The following CDH8 variants were observed in gnomAD, a reference collection of about 807,000 sequenced individuals.
CDH8 encodes the protein cadherin 8, also known as cadherin-8.
Under a neutral mutation model 68.1 loss-of-function variants are expected in CDH8, and 17 were observed. That is an observed-to-expected ratio of 0.25 (90% CI 0.17 to 0.37). The LOEUF (loss-of-function observed/expected upper bound fraction) is 0.37. CDH8 is among the 10% of genes least tolerant of loss of function. CDH8 has a pLI of 1.00. For missense variants in CDH8, 763 were observed against 999.3 expected (o/e 0.76, Z 3.19); for synonymous variants, 372 against 365.1 (o/e 1.02, Z -0.21).
intron 8 of CDH8, among the ~76,000 whole-genome samples, chr16:61,755,476 A>T (rs188805873): frequency 6.6e-6 from 1 of 152,124 alleles, no homozygotes; most frequent in South Asian, 2.1e-4. Context: ...ATAATTTTAT[A>T]CTGTTACTTT....
chr16:61,813,464 G>T (rs967710316), intron 7 of CDH8, among the ~76,000 whole-genome samples: 15 of 152,104 alleles, frequency 9.9e-5, no homozygotes, highest in Admixed American at 3.9e-4. Context: ...GAGAATCTCC[G>T]GCCTGCCCCG....
chr16:61,833,192 C>T (rs1365048681), intron 4 of CDH8, among the ~76,000 whole-genome samples: 1 of 151,280 alleles, frequency 6.6e-6, no homozygotes, highest in East Asian at 1.9e-4. Context: ...TTATTTTCTA[C>T]ATTATATATG....
At chr16:61,771,326 T>A (rs1466829647) in intron 8 of CDH8, among the ~76,000 whole-genome samples, 4 of 151,706 alleles carry the variant, frequency 2.6e-5, no homozygotes, top group Non-Finnish European at 5.9e-5. Flanking sequence ...ATATTGGAAA[T>A]GTGAAAAACA....
intron 9 of CDH8, among the ~76,000 whole-genome samples, chr16:61,720,625 CTA>C (rs746702809): frequency 4.0e-5 from 6 of 150,794 alleles, no homozygotes; most frequent in Non-Finnish European, 7.4e-5. Flanking sequence ...GAATGTGTTT[CTA>C]TATGATGATT....
In CDH8 at chr16:61,666,614, A is replaced by T. The variant is rs559320876; in HGVS notation, c.1655-10893T>A. 1.5e-4 allele frequency among the ~76,000 whole-genome samples: 22 copies of T among 145,370 alleles called. No individual in the cohort carries two copies. The East Asian group carries it at 4.4e-3, about 29-fold the overall frequency. ...ATATTTATGGCAAAATAAATAGATG[A>T]AGAGAAGATCAGTAGGTATTGTGCC... On this transcript the variant is annotated intron_variant, in intron 10 of 11. Transcript: ENST00000577390.
Position 61,652,837 on chromosome 16 carries a change from TAC to T in CDH8, c.*769_*770del. 6.6e-7 allele frequency: 1 copy of T among 1,519,738 alleles called. No homozygotes were observed. Among genetic ancestry groups the T allele is most frequent in the Non-Finnish European group, 8.8e-7 (1 of 1,138,846 alleles). The allele number at this position is 1,519,738 out of a possible 1,614,324, so 94.1% of individuals were successfully genotyped here. On this transcript the variant is annotated 3_prime_UTR_variant, in exon 12 of 12. Transcript: ENST00000577390. The stretch of plus-strand genomic sequence containing the variant: ...GTCTCTTATGTAGTCCACTGTGTGA[TAC>T]AGTTTATCTTTGTGTCCTTGTGGAA...
intron 9 of CDH8, chr16:61,726,841 A>G (rs760536907): frequency 2.4e-5 from 12 of 499,454 alleles, no homozygotes; most frequent in Middle Eastern, 5.0e-4. Flanking sequence ...AAGATATTTT[A>G]AGACAGTGAT....
At chr16:61,675,185 A>G (rs1963878042) in intron 10 of CDH8, among the ~76,000 whole-genome samples, 1 of 152,098 alleles carries the variant, frequency 6.6e-6, no homozygotes. Context: ...CAGAATTGGT[A>G]AATATGTGGT....
intron 2 of CDH8, among the ~76,000 whole-genome samples, chr16:61,954,693 T>A: frequency 8.0e-6 from 1 of 124,410 alleles, no homozygotes. Context: ...AGAGCGAGAC[T>A]CCATCTCAAA....
intron 1 of CDH8, among the ~76,000 whole-genome samples, chr16:62,024,663 T>C (rs1902153706): frequency 6.6e-6 from 1 of 152,152 alleles, no homozygotes; most frequent in East Asian, 1.9e-4. Context: ...AGTAGGTTAA[T>C]TAAAAAGGGG....
At chr16:61,847,229 C>T (rs1252915384) in intron 4 of CDH8, among the ~76,000 whole-genome samples, 1 of 151,936 alleles carries the variant, frequency 6.6e-6, no homozygotes, top group African/African-American at 2.4e-5. Flanking sequence ...GTTCTAAGCC[C>T]TGCAATGCAT....
intron 2 of CDH8, among the ~76,000 whole-genome samples, chr16:62,017,983 A>G (rs371391003): frequency 5.8e-4 from 88 of 152,304 alleles, no homozygotes; most frequent in African/African-American, 2.0e-3. Context: ...CACTCCAACT[A>G]CAAACACATA....
At chr16:61,668,676 A>AAC (rs1272615529) in intron 10 of CDH8, among the ~76,000 whole-genome samples, 1 of 151,720 alleles carries the variant, frequency 6.6e-6, no homozygotes, top group Non-Finnish European at 1.5e-5. Context: ...AGGAAAAAAA[A>AAC]AAAACAAACA....
At chr16:61,803,366 C>T (rs1488690653) in intron 7 of CDH8, among the ~76,000 whole-genome samples, 1 of 133,430 alleles carries the variant, frequency 7.5e-6, no homozygotes, top group African/African-American at 3.0e-5. Context: ...AAAATCATGC[C>T]AAAATGTAAA....
chr16:61,812,497 A>G (rs1961974294), intron 7 of CDH8, among the ~76,000 whole-genome samples: 1 of 152,160 alleles, frequency 6.6e-6, no homozygotes, highest in Non-Finnish European at 1.5e-5. Flanking sequence ...TGCTTGGGAA[A>G]CAATAGAAAG....
chr16:61,958,650 A>G (rs767908275), intron 2 of CDH8, among the ~76,000 whole-genome samples: 55 of 152,256 alleles, frequency 3.6e-4, no homozygotes, highest in South Asian at 1.0e-3. Context: ...CATGATAGAG[A>G]TTGATCATAA....
rs777098345 is a variant in CDH8 at position 61,650,413 on chromosome 16, A to T, written c.*3195T>A. The T allele has an allele frequency of 9.9e-5, 15 of 152,100 alleles. No homozygotes were observed. The highest frequency in any genetic ancestry group is 2.1e-4 in the Non-Finnish European group (14 of 68,014). 9.4% of individuals were successfully genotyped at this position (152,100 alleles called of 1,614,324 possible). A position where few individuals can be genotyped will look rare whatever the true frequency, so the allele number is the denominator to read the frequency against. ...TGTCTCACTTGGCTCCAACTTAATC[A>T]TTCTTCTCTATTTAGCAGAGAGTAC... On this transcript the variant is annotated 3_prime_UTR_variant, in exon 12 of 12. Transcript: ENST00000577390.
At chr16:61,803,643 C>CA (rs948424031) in intron 7 of CDH8, among the ~76,000 whole-genome samples, 5 of 150,402 alleles carry the variant, frequency 3.3e-5, no homozygotes, top group South Asian at 4.2e-4. Context: ...AAATGGAAAA[C>CA]AAAAAAAAGG....
intron 4 of CDH8, among the ~76,000 whole-genome samples, chr16:61,831,514 T>C (rs1962454170): frequency 6.6e-6 from 1 of 151,814 alleles, no homozygotes; most frequent in Non-Finnish European, 1.5e-5. Context: ...CAACAGCTGT[T>C]TCTTATGTCT....
Sources: allele counts gnomAD v4.1 joint callset (sites outside exome capture counted in the v4.1 genomes callset), GRCh38; gene constraint gnomAD v4.1.1; transcripts MANE v1.5; gene names NCBI Gene and HGNC (gene_info 2026-07-23, HGNC 2026-07-21).